CACNA1E: variants seen among roughly 807,000 people sequenced by gnomAD.
The protein encoded by CACNA1E is calcium voltage-gated channel subunit alpha1 E.
Under a neutral mutation model 259.2 loss-of-function variants are expected in CACNA1E, and 40 were observed. The observed-to-expected ratio is 0.15, with a 90% CI of 0.12 to 0.20. The LOEUF (loss-of-function observed/expected upper bound fraction) is 0.20. Among genes scored for constraint, CACNA1E ranks in the 10% least tolerant of loss-of-function variants. The pLI is 1.00. For synonymous variants in CACNA1E, 1,104 were observed against 1,138.5 expected (o/e 0.97, Z 0.61); for missense variants, 1,874 against 3,040.1 (o/e 0.62, Z 9.02).
intron 2 of CACNA1E, among the ~76,000 whole-genome samples, chr1:181,415,348 G>A (rs1658184428): frequency 6.6e-6 from 1 of 152,124 alleles, no homozygotes; most frequent in Admixed American, 6.5e-5. Context: ...CACCTACCTG[G>A]GGTGCTGGCG....
chr1:181,702,582 C>G (rs1572645991), intron 7 of CACNA1E, among the ~76,000 whole-genome samples: 1 of 152,202 alleles, frequency 6.6e-6, no homozygotes, highest in East Asian at 1.9e-4. Flanking sequence ...TCCCCACTGC[C>G]TGCTACCACT....
chr1:181,614,845 A>T (rs976709941), intron 6 of CACNA1E, among the ~76,000 whole-genome samples: 9 of 152,234 alleles, frequency 5.9e-5, no homozygotes, highest in Admixed American at 1.3e-4. Flanking sequence ...TTTCTAGGTT[A>T]CACAGTTCTG....
intron 25 of CACNA1E, among the ~76,000 whole-genome samples, chr1:181,746,780 T>C (rs1657124783): frequency 6.6e-6 from 1 of 152,226 alleles, no homozygotes; most frequent in Admixed American, 6.5e-5. Flanking sequence ...TTTCCTTCTT[T>C]GGTTAAAACG....
In CACNA1E at chr1:181,755,315, T is replaced by C; in HGVS notation, c.3907T>C (p.Phe1303Leu). ...LIVYKLFMFIFAVIAVQLFKG... is the reference protein window; with the variant it reads ...LIVYKLFMFILAVIAVQLFKG... ...TGTGTACAAGCTCTTCATGTTCATC[T>C]TTGCTGTCATCGCAGTTCAGCTCTT... The change falls in exon 28 of 48, where the codon TTT becomes CTT. Residue 1303 changes from phenylalanine (F) to leucine (L), a missense_variant. Phe to Leu is a conservative substitution (Grantham distance 22). Transcript: ENST00000367573. The C allele has an allele frequency of 6.2e-7, 1 of 1,613,862 alleles. No homozygotes were observed. Among genetic ancestry groups the C allele is most frequent in the Non-Finnish European group, 8.5e-7 (1 of 1,179,688 alleles).
At chr1:181,497,986 C>T (rs1664918960) in intron 1 of CACNA1E, among the ~76,000 whole-genome samples, 2 of 152,190 alleles carry the variant, frequency 1.3e-5, no homozygotes, top group Non-Finnish European at 2.9e-5. Flanking sequence ...GCCAAAACTC[C>T]ACTGCTGCAG....
intron 2 of CACNA1E, among the ~76,000 whole-genome samples, chr1:181,468,031 A>G (rs1662259580): frequency 6.6e-6 from 1 of 152,122 alleles, no homozygotes; most frequent in Admixed American, 6.5e-5. Flanking sequence ...ACCCTTCTCT[A>G]CATGTCTTTT....
At chr1:181,581,512 A>G (rs899301057) in intron 6 of CACNA1E, among the ~76,000 whole-genome samples, 3 of 152,182 alleles carry the variant, frequency 2.0e-5, no homozygotes, top group African/African-American at 4.8e-5. Flanking sequence ...GGTGATTCAC[A>G]TGATCAGACA....
intron 2 of CACNA1E, among the ~76,000 whole-genome samples, chr1:181,465,774 T>G (rs1662115328): frequency 6.6e-6 from 1 of 152,246 alleles, no homozygotes; most frequent in Admixed American, 6.5e-5. Flanking sequence ...GCTTTAATCT[T>G]CTTGTTCTTT....
chr1:181,366,763 T>C (rs1041888896), intron 1 of CACNA1E, among the ~76,000 whole-genome samples: 3 of 152,210 alleles, frequency 2.0e-5, no homozygotes, highest in African/African-American at 7.2e-5. Flanking sequence ...AGAGGAAGCA[T>C]ATATGCCTTT....
chr1:181,340,075 A>G (rs1352572700), intron 1 of CACNA1E, among the ~76,000 whole-genome samples: 2 of 150,888 alleles, frequency 1.3e-5, no homozygotes, highest in Non-Finnish European at 3.0e-5. Context: ...TACTTCTAGC[A>G]CTTTTCATGG....
At chr1:181,721,326 C>T (rs1172681273) in intron 15 of CACNA1E, among the ~76,000 whole-genome samples, 1 of 152,108 alleles carries the variant, frequency 6.6e-6, no homozygotes, top group African/African-American at 2.4e-5. Flanking sequence ...ACTGTTTGGC[C>T]AGAATCTGAG....
chr1:181,596,194 G>A (rs886079974), intron 6 of CACNA1E, among the ~76,000 whole-genome samples: 6 of 152,164 alleles, frequency 3.9e-5, no homozygotes, highest in African/African-American at 1.4e-4. Context: ...GTGTGCTGTG[G>A]CTCACAGACA....
At position 181,736,552 on chromosome 1, in the gene CACNA1E, G is replaced by C. The variant is rs899730497; in HGVS notation, c.3422+118G>C. ...CCCAGCCATCTTCTTAAGCCTTCCT[G>C]GTGGAGCATGGCCAGACATTGAGCA... On this transcript the variant is annotated intron_variant, in intron 22 of 47. Coordinates refer to ENST00000367573, the MANE Select transcript of CACNA1E (RefSeq NM_001205293.3). 3 of 916,026 alleles carry C rather than the reference G, an allele frequency of 3.3e-6. 1 individual carries two copies. The highest frequency in any genetic ancestry group is 4.9e-4 in the Middle Eastern group (2 of 4,120). 56.7% of individuals were successfully genotyped at this position (916,026 alleles called of 1,614,324 possible). A position where few individuals can be genotyped will look rare whatever the true frequency, so the allele number is the denominator to read the frequency against.
chr1:181,667,169 A>G (rs1046013852), intron 7 of CACNA1E, among the ~76,000 whole-genome samples: 1 of 152,170 alleles, frequency 6.6e-6, no homozygotes, highest in South Asian at 2.1e-4. Context: ...GAAGGTGATA[A>G]AAAGATGATT....
intron 1 of CACNA1E, among the ~76,000 whole-genome samples, chr1:181,348,314 C>T (rs377353062): frequency 6.6e-6 from 1 of 152,146 alleles, no homozygotes; most frequent in Non-Finnish European, 1.5e-5. Context: ...GGGTATCAAA[C>T]CAGGTCGCAT....
intron 43 of CACNA1E, among the ~76,000 whole-genome samples, chr1:181,787,740 A>T (rs1660968050): frequency 6.6e-6 from 1 of 152,202 alleles, no homozygotes; most frequent in Non-Finnish European, 1.5e-5. Context: ...GAGGGTTTAG[A>T]GAGTCCTTCC....
chr1:181,775,211 T>C (rs1465014344), intron 37 of CACNA1E, among the ~76,000 whole-genome samples: 1 of 152,194 alleles, frequency 6.6e-6, no homozygotes, highest in Non-Finnish European at 1.5e-5. Context: ...TGGGGTTTAA[T>C]GACTAGTTGA....
chr1:181,397,216 C>T (rs757190604), intron 1 of CACNA1E, among the ~76,000 whole-genome samples: 3 of 152,210 alleles, frequency 2.0e-5, no homozygotes, highest in Non-Finnish European at 2.9e-5. Context: ...CCCATGCTCC[C>T]AGCAGGCCTC....
chr1:181,770,826 G>C (rs1399549425), intron 35 of CACNA1E, among the ~76,000 whole-genome samples: 2 of 152,218 alleles, frequency 1.3e-5, no homozygotes, highest in South Asian at 4.2e-4. Flanking sequence ...TTGCAGGGTG[G>C]CATCTGCCCA....
Sources: gnomAD v4.1 joint callset for allele counts (sites outside exome capture counted in the v4.1 genomes callset) on GRCh38, gnomAD v4.1.1 for gene constraint, MANE v1.5 for transcripts, NCBI Gene and HGNC (gene_info 2026-07-23, HGNC 2026-07-21) for gene names.